NRG3: variants seen among roughly 807,000 people sequenced by gnomAD.
The protein encoded by NRG3 is pro-neuregulin-3, membrane-bound isoform.
Under a neutral mutation model 66.9 loss-of-function variants are expected in NRG3, and 31 were observed. The observed-to-expected ratio is 0.46, with a 90% CI of 0.35 to 0.63. The LOEUF (loss-of-function observed/expected upper bound fraction) is 0.63, where lower values mean the gene tolerates loss of function less well. Ranked by LOEUF, NRG3 falls within the 20% of genes least tolerant of loss-of-function variation. The pLI, the probability that NRG3 is intolerant of heterozygous loss-of-function variation, is 0.00. For synonymous variants in NRG3, 393 were observed against 359.4 expected (o/e 1.09, Z -1.06); for missense variants, 910 against 878.9 (o/e 1.04, Z -0.45).
intron 1 of NRG3, among the ~76,000 whole-genome samples, chr10:82,048,566 A>C (rs4497347): frequency 0.88 from 128,905 of 146,068 alleles, 57,998 homozygotes; most frequent in South Asian, 0.99. Context: ...ACGAAGACAC[A>C]ACATACCAGA....
intron 1 of NRG3, among the ~76,000 whole-genome samples, chr10:82,116,289 A>AG (rs1250685803): frequency 4.6e-5 from 7 of 152,240 alleles, no homozygotes; most frequent in Admixed American, 3.3e-4. Context: ...GGAGGGAAGG[A>AG]GGGCATCTTT....
chr10:82,914,056 C>T (rs1845596569), intron 4 of NRG3, among the ~76,000 whole-genome samples: 1 of 151,922 alleles, frequency 6.6e-6, no homozygotes. Context: ...CATACTGAGT[C>T]CTTCCTTGAG....
chr10:82,747,546 A>G (rs1205788779), intron 3 of NRG3, among the ~76,000 whole-genome samples: 2 of 152,066 alleles, frequency 1.3e-5, no homozygotes, highest in Non-Finnish European at 2.9e-5. Context: ...AAAATTATAT[A>G]CCACTAATAT....
intron 2 of NRG3, among the ~76,000 whole-genome samples, chr10:82,719,860 C>A (rs1433657684): frequency 6.6e-6 from 1 of 152,116 alleles, no homozygotes; most frequent in Non-Finnish European, 1.5e-5. Context: ...TCTGGGTATA[C>A]CAACTCTTGC....
At position 82,061,135 on chromosome 10, in the gene NRG3, G is replaced by A. The variant is rs184351419; in HGVS notation, c.823+184972G>A. Among the ~76,000 whole-genome samples, 4 of 152,196 alleles carry A rather than the reference G, an allele frequency of 2.6e-5. No individual in the cohort carries two copies. In the East Asian group the frequency reaches 5.8e-4, roughly 22 times the overall value. On this transcript the variant is annotated intron_variant, in intron 1 of 8. Coordinates refer to ENST00000372141, the MANE Select transcript of NRG3 (RefSeq NM_001010848.4). ...TGGGAGGCAGAGGCGGGTGGATCAC[G>A]AGGTCAGGAGTTCAAGACCAGCCTA...
chr10:82,707,016 T>TA (rs1477537869), intron 2 of NRG3, among the ~76,000 whole-genome samples: 2 of 87,286 alleles, frequency 2.3e-5, no homozygotes, highest in East Asian at 3.6e-4. Context: ...TAAAATAAAA[T>TA]AAATATATAT....
chr10:82,509,009 T>A (rs1289923512), intron 2 of NRG3, among the ~76,000 whole-genome samples: 1 of 152,204 alleles, frequency 6.6e-6, no homozygotes, highest in Non-Finnish European at 1.5e-5. Flanking sequence ...TTCAAAGACA[T>A]AACTTTATCT....
intron 3 of NRG3, among the ~76,000 whole-genome samples, chr10:82,776,800 T>A (rs1383173450): frequency 6.6e-6 from 1 of 152,096 alleles, no homozygotes; most frequent in Non-Finnish European, 1.5e-5. Flanking sequence ...TTTCTTAAAT[T>A]TCACAATCAG....
At chr10:82,792,100 A>T (rs894082610) in intron 3 of NRG3, among the ~76,000 whole-genome samples, 1 of 152,092 alleles carries the variant, frequency 6.6e-6, no homozygotes, top group Non-Finnish European at 1.5e-5. Flanking sequence ...TCTTCTATAA[A>T]CACTCCTTAG....
intron 4 of NRG3, among the ~76,000 whole-genome samples, chr10:82,879,958 C>CTTTTTTTTTT (rs35159008): frequency 2.5e-5 from 2 of 78,460 alleles, no homozygotes; most frequent in African/African-American, 5.4e-5. Context: ...GATTTCATCC[C>CTTTTTTTTTT]TTTTTTTTTT....
chr10:82,155,603 C>T (rs1254481129), intron 1 of NRG3, among the ~76,000 whole-genome samples: 2 of 151,640 alleles, frequency 1.3e-5, no homozygotes, highest in Non-Finnish European at 3.0e-5. Context: ...CATGTACCTG[C>T]TAATTTGATA....
At chr10:82,398,526 TGA>T (rs10690548) in intron 2 of NRG3, among the ~76,000 whole-genome samples, 114 of 136,508 alleles carry the variant, frequency 8.4e-4, no homozygotes, top group South Asian at 1.8e-3. Flanking sequence ...TGTGTGTGTG[TGA>T]GAGAGAGAGA....
At chr10:82,012,804 A>G (rs113159402) in intron 1 of NRG3, among the ~76,000 whole-genome samples, 43 of 152,318 alleles carry the variant, frequency 2.8e-4, no homozygotes, top group African/African-American at 9.4e-4. Flanking sequence ...CTTTGCTCCA[A>G]TTACCAAAAA....
chr10:82,514,859 G>A lies in NRG3; in HGVS notation c.953+155991G>A, dbSNP rs57730314. ...CACAAATTGTTGATATATTCTAGTGGATACTTGTGTTGTTTCCAGTTTTGT... is the reference window on the plus strand; with the variant it reads ...CACAAATTGTTGATATATTCTAGTGAATACTTGTGTTGTTTCCAGTTTTGT... On this transcript the variant is annotated intron_variant, in intron 2 of 8. Coordinates refer to ENST00000372141, the MANE Select transcript of NRG3 (RefSeq NM_001010848.4). Among the ~76,000 whole-genome samples, 357 of 152,202 alleles carry A rather than the reference G, an allele frequency of 2.3e-3. 1 individual carries two copies. Among genetic ancestry groups the A allele is most frequent in the African/African-American group, 8.4e-3 (347 of 41,528 alleles).
intron 2 of NRG3, among the ~76,000 whole-genome samples, chr10:82,572,614 A>G (rs967638049): frequency 5.3e-5 from 8 of 151,622 alleles, no homozygotes; most frequent in Non-Finnish European, 1.2e-4. Context: ...GTGTGTGCCT[A>G]CATTTGTTTA....
chr10:82,505,369 G>A (rs1449428067), intron 2 of NRG3, among the ~76,000 whole-genome samples: 1 of 152,226 alleles, frequency 6.6e-6, no homozygotes, highest in Non-Finnish European at 1.5e-5. Flanking sequence ...GTGGCATCCA[G>A]AGAACCTGTA....
intron 1 of NRG3, among the ~76,000 whole-genome samples, chr10:82,182,248 G>A (rs1764065): frequency 0.63 from 95,530 of 150,996 alleles, 31,319 homozygotes; most frequent in Middle Eastern, 0.77. Flanking sequence ...CATTAAAGGA[G>A]TTCTTGAAAA....
chr10:82,819,002 T>A (rs975742690), intron 3 of NRG3, among the ~76,000 whole-genome samples: 1 of 152,200 alleles, frequency 6.6e-6, no homozygotes, highest in Non-Finnish European at 1.5e-5. Flanking sequence ...AAGAAAAAAA[T>A]TTTAATGATT....
rs998479370 is a variant in NRG3 at position 82,043,240 on chromosome 10, A to G, written c.823+167077A>G. Among the ~76,000 whole-genome samples the G allele has an allele frequency of 7.2e-5, 11 of 152,208 alleles. No homozygotes were observed. In the East Asian group the frequency reaches 1.5e-3, roughly 21 times the overall value. On this transcript the variant is annotated intron_variant, in intron 1 of 8. Coordinates refer to ENST00000372141, the MANE Select transcript of NRG3 (RefSeq NM_001010848.4). ...TGATGGTTTTCCTGTACAAATCTAC[A>G]CTATATTGATAGTACCTGAGAGGGA...
Sources: allele counts gnomAD v4.1 joint callset (sites outside exome capture counted in the v4.1 genomes callset), GRCh38; gene constraint gnomAD v4.1.1; transcripts MANE v1.5; gene names NCBI Gene and HGNC (gene_info 2026-07-23, HGNC 2026-07-21).